Variants in GABRG3 observed in about 807,000 individuals in gnomAD.
The protein encoded by GABRG3 is gamma-aminobutyric acid receptor subunit gamma-3.
In GABRG3, 25 loss-of-function variants were observed where a neutral mutation model predicts 48.8. The ratio of observed to expected loss-of-function variants is 0.51; its 90% CI spans 0.37 to 0.72. The LOEUF is 0.72. Ranked by LOEUF, GABRG3 falls within the 30% of genes least tolerant of loss-of-function variation. The pLI, the probability that GABRG3 is intolerant of heterozygous loss-of-function variation, is 0.00. For missense variants in GABRG3, 394 were observed against 577.9 expected, an observed-to-expected ratio of 0.68 and a Z score of 3.26; for synonymous variants, 227 against 217.6, an observed-to-expected ratio of 1.04 and a Z score of -0.38.
At chr15:27,069,305 G>A (rs548487833) in intron 3 of GABRG3, among the ~76,000 whole-genome samples, 34 of 152,334 alleles carry the variant, frequency 2.2e-4, no homozygotes, top group African/African-American at 7.5e-4. Context: ...ATGGCATAGT[G>A]GAGGGAGCAC....
Position 27,540,179 on chromosome 15 carries a change from G to A in GABRG3, c.*7298G>A, listed in dbSNP as rs1411797451. Reference sequence around the variant, plus strand: ...ATTTCCAGAACTGCTGTGTTCCCCAGCAGTCCTGCCTGCCCTGCCTCAATC... The same window carrying A: ...ATTTCCAGAACTGCTGTGTTCCCCAACAGTCCTGCCTGCCCTGCCTCAATC... On this transcript the variant is annotated 3_prime_UTR_variant, in exon 10 of 10. Coordinates refer to ENST00000615808, the MANE Select transcript of GABRG3 (RefSeq NM_033223.5). 6.6e-6 allele frequency: 1 copy of A among 152,180 alleles called. No individual in the cohort carries two copies. Among genetic ancestry groups the A allele is most frequent in the Non-Finnish European group, 1.5e-5 (1 of 68,042 alleles). The allele number at this position is 152,180 out of a possible 1,614,324, so 9.4% of individuals were successfully genotyped here. A position where few individuals can be genotyped will look rare whatever the true frequency, so the allele number is the denominator to read the frequency against.
intron 4 of GABRG3, 30 bp downstream of exon 4, chr15:27,327,059 C>T (rs1410820428): frequency 6.4e-7 from 1 of 1,564,382 alleles, no homozygotes; most frequent in Non-Finnish European, 8.7e-7. Flanking sequence ...TTTGATTACT[C>T]CTGGTTTAAA....
intron 3 of GABRG3, among the ~76,000 whole-genome samples, chr15:27,178,596 T>C (rs1887821451): frequency 6.6e-6 from 1 of 152,184 alleles, no homozygotes; most frequent in Non-Finnish European, 1.5e-5. Flanking sequence ...GTATATACAA[T>C]AACCTTCAGA....
rs144663325 is a variant in GABRG3, at chr15:27,033,563, A to T, written c.270+6742A>T. Among the ~76,000 whole-genome samples, 580 of 152,164 alleles carry T rather than the reference A, an allele frequency of 3.8e-3. 4 individuals carry two copies. The highest frequency in any genetic ancestry group is 0.013 in the African/African-American group (537 of 41,490). ...CGAATAAGAGGATTTTCTAGGGTCC[A>T]TTGTTTTCAGGTTTTTTCTATAAAA... On this transcript the variant is annotated intron_variant, in intron 3 of 9. Transcript: ENST00000615808.
chr15:27,304,433 T>C (rs747500321), intron 3 of GABRG3, among the ~76,000 whole-genome samples: 2 of 151,974 alleles, frequency 1.3e-5, no homozygotes, highest in African/African-American at 2.4e-5. Flanking sequence ...TATTATCTTA[T>C]AGTTGTGAAG....
intron 5 of GABRG3, among the ~76,000 whole-genome samples, chr15:27,370,213 G>C (rs990167313): frequency 3.9e-5 from 6 of 152,164 alleles, no homozygotes; most frequent in African/African-American, 1.2e-4. Flanking sequence ...ATTTGCCTGG[G>C]TGATCCTGAA....
chr15:27,518,195 CAAAAAAAA>C (rs58222645), intron 6 of GABRG3, among the ~76,000 whole-genome samples: 6 of 88,030 alleles, frequency 6.8e-5, no homozygotes, highest in Non-Finnish European at 4.5e-5. Context: ...ACTAAAAATA[CAAAAAAAA>C]AAAAAAAAAA....
rs558897983 is a variant in GABRG3 at position 27,146,854 on chromosome 15, AAAG to A, written c.270+120037_270+120039del. ...CACTATAAAATATTCATTTAACACA[AAAG>A]AAGGCAAAAGTAAAGGAATAGAACA... On this transcript the variant is annotated intron_variant, in intron 3 of 9. Transcript: ENST00000615808. Among the ~76,000 whole-genome samples, 406 of 152,270 alleles carry A rather than the reference AAAG, an allele frequency of 2.7e-3. 2 individuals are homozygous for A. The highest frequency in any genetic ancestry group is 9.4e-3 in the African/African-American group (392 of 41,576).
intron 3 of GABRG3, among the ~76,000 whole-genome samples, chr15:27,145,603 C>CTCTATCTATCA (rs1555405979): frequency 9.8e-6 from 1 of 102,298 alleles, no homozygotes; most frequent in African/African-American, 3.5e-5. Flanking sequence ...ATATATCTAT[C>CTCTATCTATCA]TCTATCTATC....
At chr15:27,308,080 A>G (rs1277156644) in intron 3 of GABRG3, among the ~76,000 whole-genome samples, 1 of 134,222 alleles carries the variant, frequency 7.5e-6, no homozygotes, top group South Asian at 2.3e-4. Context: ...ATATGTTTAT[A>G]CATCCAAACA....
At chr15:27,295,993 A>G (rs1666966529) in intron 3 of GABRG3, among the ~76,000 whole-genome samples, 1 of 152,078 alleles carries the variant, frequency 6.6e-6, no homozygotes, top group African/African-American at 2.4e-5. Flanking sequence ...CCTTCGTCCT[A>G]CAAGTGAATT....
At chr15:27,272,506 G>A (rs1450642487) in intron 3 of GABRG3, among the ~76,000 whole-genome samples, 2 of 152,202 alleles carry the variant, frequency 1.3e-5, no homozygotes, top group Non-Finnish European at 1.5e-5. Flanking sequence ...CTGCAAAGAG[G>A]TGTCTATGAC....
At chr15:27,104,637 C>A (rs1240776588) in intron 3 of GABRG3, among the ~76,000 whole-genome samples, 4 of 152,182 alleles carry the variant, frequency 2.6e-5, no homozygotes, top group Admixed American at 6.5e-5. Flanking sequence ...GTAACTTTTT[C>A]TTTTGCATCA....
At chr15:27,530,628 C>G in intron 9 of GABRG3, 1 of 471,082 alleles carries the variant, frequency 2.1e-6, no homozygotes, top group South Asian at 1.5e-5. Context: ...CATCCTGCTG[C>G]CCTGCCTGTG....
chr15:27,538,591 T>C lies in GABRG3; in HGVS notation c.*5710T>C, dbSNP rs1891600643. The C allele has an allele frequency of 6.6e-6, 1 of 152,226 alleles. No individual in the cohort carries two copies. Among genetic ancestry groups the C allele is most frequent in the Non-Finnish European group, 1.5e-5 (1 of 68,046 alleles). 9.4% of individuals were successfully genotyped at this position (152,226 alleles called of 1,614,324 possible). A position where few individuals can be genotyped will look rare whatever the true frequency, so the allele number is the denominator to read the frequency against. ...AGCAGGCTACACAATGTGAGGATGA[T>C]AATGGTTCCTGCAGGGAAGCCAGAG... On this transcript the variant is annotated 3_prime_UTR_variant, in exon 10 of 10. Coordinates refer to ENST00000615808, the MANE Select transcript of GABRG3 (RefSeq NM_033223.5).
intron 3 of GABRG3, among the ~76,000 whole-genome samples, chr15:27,219,016 A>G (rs890569710): frequency 1.3e-5 from 2 of 152,084 alleles, no homozygotes; most frequent in African/African-American, 4.8e-5. Flanking sequence ...GAGGGCAAGC[A>G]TTCTCTCCAC....
At chr15:27,072,123 A>G (rs1896838779) in intron 3 of GABRG3, among the ~76,000 whole-genome samples, 2 of 152,190 alleles carry the variant, frequency 1.3e-5, no homozygotes, top group South Asian at 4.1e-4. Context: ...TGCTTTCGTA[A>G]TGACAGCTTC....
At chr15:27,257,808 G>C (rs1471690895) in intron 3 of GABRG3, among the ~76,000 whole-genome samples, 3 of 147,034 alleles carry the variant, frequency 2.0e-5, no homozygotes, top group African/African-American at 8.0e-5. Flanking sequence ...ACCACCACAC[G>C]TGGCTATTTT....
chr15:27,396,973 G>A (rs1049347783), intron 5 of GABRG3, among the ~76,000 whole-genome samples: 3 of 152,170 alleles, frequency 2.0e-5, no homozygotes, highest in Admixed American at 6.5e-5. Flanking sequence ...TCAATGAAGA[G>A]GTAGCATGGG....
Sources: allele counts gnomAD v4.1 joint callset (sites outside exome capture counted in the v4.1 genomes callset), GRCh38; gene constraint gnomAD v4.1.1; transcripts MANE v1.5; gene names NCBI Gene and HGNC (gene_info 2026-07-23, HGNC 2026-07-21).